The following FBXW4 variants were observed in gnomAD, a reference collection of about 807,000 sequenced individuals.
FBXW4 encodes the protein F-box/WD repeat-containing protein 4.
Under a neutral mutation model 61.8 loss-of-function variants are expected in FBXW4, and 40 were observed. The observed-to-expected ratio is 0.65, with a 90% CI of 0.50 to 0.84. The LOEUF (loss-of-function observed/expected upper bound fraction) is 0.84. Ranked by LOEUF, FBXW4 falls within the 40% of genes least tolerant of loss-of-function variation. FBXW4 has a pLI of 0.00. For synonymous variants in FBXW4, 311 were observed against 313.8 expected (o/e 0.99, Z 0.10); for missense variants, 672 against 753.8 (o/e 0.89, Z 1.27).
intron 1 of FBXW4, among the ~76,000 whole-genome samples, chr10:101,691,910 A>C (rs936400515): frequency 2.0e-5 from 3 of 152,218 alleles, no homozygotes; most frequent in Non-Finnish European, 1.5e-5. Flanking sequence ...AAAATTTACA[A>C]GAGTAGAGTA....
chr10:101,645,008 T>C (rs1398900997), intron 5 of FBXW4, among the ~76,000 whole-genome samples: 3 of 152,186 alleles, frequency 2.0e-5, no homozygotes, highest in Admixed American at 2.0e-4. Context: ...TTTTGCCTGT[T>C]TGCTCGGCAT....
intron 4 of FBXW4, among the ~76,000 whole-genome samples, chr10:101,670,768 G>T (rs1262590592): frequency 6.6e-6 from 1 of 152,226 alleles, no homozygotes; most frequent in Non-Finnish European, 1.5e-5. Flanking sequence ...AAGAACATAA[G>T]CTACCAGCTG....
intron 6 of FBXW4, among the ~76,000 whole-genome samples, chr10:101,617,582 A>G (rs932002753): frequency 1.3e-5 from 2 of 152,220 alleles, no homozygotes; most frequent in East Asian, 1.9e-4. Context: ...GTCTGTGTGC[A>G]CACACCCCCA....
chr10:101,650,195 C>T (rs1325698837), intron 5 of FBXW4, among the ~76,000 whole-genome samples: 1 of 152,182 alleles, frequency 6.6e-6, no homozygotes, highest in Non-Finnish European at 1.5e-5. Context: ...GGTGGCTCTA[C>T]CTGTGACCAT....
chr10:101,695,274 G>T, upstream of FBXW4: 1 of 885,930 alleles, frequency 1.1e-6, no homozygotes, highest in Non-Finnish European at 1.4e-6. This position sits in a 1 kb window ranked among gnomAD's most constrained non-coding sequence, Gnocchi z 4.2. Flanking sequence ...GTGCGGGCTG[G>T]GGCCGGGGCG....
chr10:101,613,967 CCTT>C (rs2063807817), intron 6 of FBXW4, among the ~76,000 whole-genome samples: 1 of 152,240 alleles, frequency 6.6e-6, no homozygotes, highest in South Asian at 2.1e-4. Context: ...AGGCAGAAGG[CCTT>C]CTCCCCAGAT....
At chr10:101,645,659 G>C (rs536973452) in intron 5 of FBXW4, among the ~76,000 whole-genome samples, 20 of 152,202 alleles carry the variant, frequency 1.3e-4, no homozygotes, top group Non-Finnish European at 2.6e-4. Flanking sequence ...ATAGACGCTG[G>C]GGTGTTCAAG....
chr10:101,687,619 G>T (rs1193479455), intron 1 of FBXW4, among the ~76,000 whole-genome samples: 6 of 152,024 alleles, frequency 3.9e-5, no homozygotes, highest in Non-Finnish European at 7.4e-5. Flanking sequence ...CCAAGTTAGG[G>T]TTCCTATCAA....
intron 5 of FBXW4, among the ~76,000 whole-genome samples, chr10:101,661,202 A>T (rs2064240331): frequency 6.6e-6 from 1 of 152,110 alleles, no homozygotes; most frequent in Non-Finnish European, 1.5e-5. Context: ...GGCTCTTGAC[A>T]AGTGGGCCAA....
At chr10:101,658,368 A>G (rs1377721494) in intron 5 of FBXW4, among the ~76,000 whole-genome samples, 1 of 152,152 alleles carries the variant, frequency 6.6e-6, no homozygotes, top group African/African-American at 2.4e-5. Flanking sequence ...AACATGGTGA[A>G]ACCCCGTCTC....
At chr10:101,640,585 G>A (rs1358006999) in intron 5 of FBXW4, among the ~76,000 whole-genome samples, 2 of 135,706 alleles carry the variant, frequency 1.5e-5, no homozygotes, top group African/African-American at 5.5e-5. Context: ...TCTGCTTCCT[G>A]GGTTCAAGCG....
intron 5 of FBXW4, among the ~76,000 whole-genome samples, chr10:101,632,359 A>C (rs1383446205): frequency 2.6e-5 from 4 of 152,110 alleles, no homozygotes; most frequent in Non-Finnish European, 4.4e-5. Context: ...CAACTCCAAC[A>C]AATAAGGGCC....
chr10:101,681,712 G>A (rs913531899), intron 1 of FBXW4, among the ~76,000 whole-genome samples: 2 of 118,290 alleles, frequency 1.7e-5, no homozygotes, highest in African/African-American at 3.0e-5. Context: ...GCGAGACTCC[G>A]TCTCAAAATA....
At chr10:101,627,857 G>A (rs2063919348) in intron 5 of FBXW4, 1 of 631,030 alleles carries the variant, frequency 1.6e-6, no homozygotes, top group Middle Eastern at 8.1e-4. Context: ...CCTCCCTTGA[G>A]ACTCACGGGA....
intron 5 of FBXW4, among the ~76,000 whole-genome samples, chr10:101,655,087 C>T (rs763174575): frequency 6.6e-6 from 1 of 152,152 alleles, no homozygotes; most frequent in African/African-American, 2.4e-5. Context: ...ACCTCAGCCT[C>T]CCAAAGTGCT....
At chr10:101,650,561 C>T (rs1215503548) in intron 5 of FBXW4, among the ~76,000 whole-genome samples, 1 of 152,192 alleles carries the variant, frequency 6.6e-6, no homozygotes, top group African/African-American at 2.4e-5. Flanking sequence ...TAACCGCCCC[C>T]CTCAAGGGGT....
chr10:101,684,333 A>G (rs1477094314), intron 1 of FBXW4, among the ~76,000 whole-genome samples: 3 of 152,166 alleles, frequency 2.0e-5, no homozygotes, highest in Non-Finnish European at 4.4e-5. Flanking sequence ...TCACCATGTT[A>G]GCCAGGATAG....
intron 6 of FBXW4, among the ~76,000 whole-genome samples, chr10:101,618,892 G>A (rs2063846007): frequency 1.3e-5 from 2 of 149,220 alleles, no homozygotes; most frequent in Admixed American, 6.7e-5. Flanking sequence ...CCCCTTGGCA[G>A]AAAAAAAAAA....
chr10:101,614,283 G>A (rs1351414849), intron 6 of FBXW4, among the ~76,000 whole-genome samples: 1 of 152,196 alleles, frequency 6.6e-6, no homozygotes, highest in East Asian at 1.9e-4. Flanking sequence ...AAGATGAAAG[G>A]CAGTGGGGGT....
Sources: gnomAD v4.1 joint callset for allele counts (sites outside exome capture counted in the v4.1 genomes callset) on GRCh38, gnomAD v4.1.1 for gene constraint, Gnocchi (gnomAD v3.1) non-coding constraint, MANE v1.5 for transcripts, NCBI Gene and HGNC (gene_info 2026-07-23, HGNC 2026-07-21) for gene names.